The following AFF3 variants were observed in gnomAD, a reference collection of about 807,000 sequenced individuals.
AFF3 encodes AF4/FMR2 family member 3.
A neutral mutation model predicts 129.7 loss-of-function variants in AFF3; 32 were observed. That is an observed-to-expected ratio of 0.25 (90% CI 0.19 to 0.33). The LOEUF (loss-of-function observed/expected upper bound fraction) is 0.33, where lower values mean the gene tolerates loss of function less well. AFF3 is among the 10% of genes least tolerant of loss of function. The pLI, the probability that AFF3 is intolerant of heterozygous loss-of-function variation, is 1.00. For missense variants in AFF3, 1,373 were observed against 1,592.0 expected, an observed-to-expected ratio of 0.86 and a Z score of 2.34; for synonymous variants, 644 against 635.4, an observed-to-expected ratio of 1.01 and a Z score of -0.20.
chr2:99,959,843 G>A (rs993207437), intron 7 of AFF3, among the ~76,000 whole-genome samples: 5 of 151,502 alleles, frequency 3.3e-5, no homozygotes, highest in Non-Finnish European at 5.9e-5. Flanking sequence ...TTTTAACCCC[G>A]TGTTAGCTTC....
chr2:100,129,416 G>GTGTGTGTGTGTGTGTATA (rs1491429504), intron 1 of AFF3, 110 bp from the exon 2 acceptor site: 1 of 141,496 alleles, frequency 7.1e-6, no homozygotes, highest in Admixed American at 7.2e-5. Context: ...GTGTGTGTGT[G>GTGTGTGTGTGTGTGTATA]TATACATATT....
At chr2:99,583,747 C>A (rs1248228354) in intron 16 of AFF3, among the ~76,000 whole-genome samples, 1 of 151,892 alleles carries the variant, frequency 6.6e-6, no homozygotes, top group African/African-American at 2.4e-5. Context: ...GGCTGGAGTG[C>A]AATGGCACAA....
chr2:99,587,659 G>A (rs547769983), intron 15 of AFF3, among the ~76,000 whole-genome samples: 19 of 152,326 alleles, frequency 1.2e-4, no homozygotes, highest in Admixed American at 9.1e-4. Context: ...CAGCAAGTGT[G>A]TGTTCTCTGG....
At chr2:99,997,257 G>C (rs182343655) in intron 7 of AFF3, among the ~76,000 whole-genome samples, 5 of 152,298 alleles carry the variant, frequency 3.3e-5, no homozygotes, top group Admixed American at 2.0e-4. Context: ...AAGTGAGTAA[G>C]TAAACTCTTG....
intron 13 of AFF3, among the ~76,000 whole-genome samples, chr2:99,618,023 T>C (rs1283769331): frequency 6.6e-6 from 1 of 152,072 alleles, no homozygotes; most frequent in East Asian, 1.9e-4. Flanking sequence ...TCAGGTCATT[T>C]TGCCCCGTGA....
chr2:99,898,404 C>T (rs778829992), intron 7 of AFF3, among the ~76,000 whole-genome samples: 26 of 152,192 alleles, frequency 1.7e-4, no homozygotes, highest in Non-Finnish European at 1.9e-4. Flanking sequence ...GATGCCATCT[C>T]GCAGCCACAT....
At chr2:99,853,310 T>C (rs1458061507) in intron 7 of AFF3, among the ~76,000 whole-genome samples, 1 of 152,222 alleles carries the variant, frequency 6.6e-6, no homozygotes, top group Non-Finnish European at 1.5e-5. Context: ...TTGAGTACCT[T>C]TTCTTTCCAT....
chr2:99,871,621 G>A (rs1281328826), intron 7 of AFF3, among the ~76,000 whole-genome samples: 1 of 152,100 alleles, frequency 6.6e-6, no homozygotes, highest in African/African-American at 2.4e-5. Flanking sequence ...AATATATTTT[G>A]AGAAATAAAT....
chr2:99,575,366 T>C (rs1421934378), intron 18 of AFF3, among the ~76,000 whole-genome samples: 1 of 151,920 alleles, frequency 6.6e-6, no homozygotes, highest in East Asian at 1.9e-4. Flanking sequence ...TTCAAGTGAT[T>C]CTCCTGCCTC....
At position 99,727,123 on chromosome 2, in the gene AFF3, C is replaced by CAGAAAGG; in HGVS notation, c.1044_1045insCCTTTCT (p.Gly349ProfsTer4). 1 of 1,609,532 alleles carries CAGAAAGG rather than the reference C, an allele frequency of 6.2e-7. No individual in the cohort carries two copies. Among genetic ancestry groups the CAGAAAGG allele is most frequent in the Non-Finnish European group, 8.5e-7 (1 of 1,178,774 alleles). ...TCTGGACTCTCTGGCTCTGCATCAC[C>CAGAAAGG]TTTCTCTTAAAAAGGAAGCAGAAAA... is the stretch of plus-strand genomic sequence containing the variant. On this transcript the variant is annotated frameshift_variant, in exon 11 of 25. Coordinates refer to ENST00000672756, the MANE Select transcript of AFF3 (RefSeq NM_001386135.1). LOFTEE classifies it high-confidence loss of function.
intron 7 of AFF3, among the ~76,000 whole-genome samples, chr2:99,843,416 T>C (rs1689470038): frequency 6.6e-6 from 1 of 152,170 alleles, no homozygotes; most frequent in Admixed American, 6.5e-5. Flanking sequence ...CATCTATATA[T>C]GTAGATGAGG....
intron 17 of AFF3, among the ~76,000 whole-genome samples, chr2:99,581,718 CA>C (rs1677571493): frequency 6.6e-6 from 1 of 151,584 alleles, no homozygotes; most frequent in Non-Finnish European, 1.5e-5. Flanking sequence ...GTGATTATGA[CA>C]GGGGAGGGTT....
At chr2:99,866,991 TAATAATAATAAA>T (rs1340476288) in intron 7 of AFF3, among the ~76,000 whole-genome samples, 86 of 107,998 alleles carry the variant, frequency 8.0e-4, no homozygotes, top group Middle Eastern at 5.3e-3. Flanking sequence ...ATAATAATAA[TAATAATAATAAA>T]AAATAAATAA....
intron 8 of AFF3, among the ~76,000 whole-genome samples, chr2:99,820,523 A>T (rs1465270014): frequency 6.6e-6 from 1 of 151,924 alleles, no homozygotes; most frequent in Non-Finnish European, 1.5e-5. Context: ...ACTACTGTAG[A>T]CTTTATAAAC....
At chr2:99,630,089 A>G (rs1682987153) in intron 13 of AFF3, among the ~76,000 whole-genome samples, 1 of 152,134 alleles carries the variant, frequency 6.6e-6, no homozygotes, top group South Asian at 2.1e-4. Flanking sequence ...CACTAACATC[A>G]TGGAAGGGTG....
chr2:99,944,507 C>A (rs1675369562), intron 7 of AFF3, among the ~76,000 whole-genome samples: 2 of 152,226 alleles, frequency 1.3e-5, no homozygotes, highest in Admixed American at 1.3e-4. Flanking sequence ...TCCCATTCCA[C>A]TGAATTCACA....
chr2:100,065,099 C>T (rs1414893883), intron 4 of AFF3, among the ~76,000 whole-genome samples: 1 of 152,200 alleles, frequency 6.6e-6, no homozygotes, highest in Non-Finnish European at 1.5e-5. Context: ...TAGCTATTAT[C>T]CATCATTTAC....
intron 8 of AFF3, among the ~76,000 whole-genome samples, chr2:99,762,940 G>A (rs1235985406): frequency 3.9e-5 from 6 of 152,174 alleles, no homozygotes; most frequent in Admixed American, 6.5e-5. Flanking sequence ...CGTATTATTC[G>A]TGTTATGACA....
chr2:99,777,205 C>G (rs944560145), intron 8 of AFF3, among the ~76,000 whole-genome samples: 1 of 152,136 alleles, frequency 6.6e-6, no homozygotes, highest in South Asian at 2.1e-4. Context: ...TAAGTCTCCA[C>G]GCTGAGTTCC....
Sources: gnomAD v4.1 joint callset for allele counts (sites outside exome capture counted in the v4.1 genomes callset) on GRCh38, gnomAD v4.1.1 for gene constraint, MANE v1.5 for transcripts, NCBI Gene and HGNC (gene_info 2026-07-23, HGNC 2026-07-21) for gene names.